Variants in CADM2 observed in about 807,000 individuals in gnomAD.
The protein encoded by CADM2 is cell adhesion molecule 2.
In CADM2, 12 loss-of-function variants were observed where a neutral mutation model predicts 49.8. The ratio of observed to expected loss-of-function variants is 0.24; its 90% CI spans 0.15 to 0.39. The LOEUF is 0.39. Among genes scored for constraint, CADM2 ranks in the 10% least tolerant of loss-of-function variants. The probability of loss-of-function intolerance (pLI) is 1.00; values close to 1 mark genes in which losing one functional copy is unlikely to be tolerated. For synonymous variants in CADM2, 214 were observed against 175.4 expected, an observed-to-expected ratio of 1.22 and a Z score of -1.74; for missense variants, 378 against 492.3, an observed-to-expected ratio of 0.77 and a Z score of 2.20.
chr3:85,576,497 A>T (rs1195798721), intron 1 of CADM2, among the ~76,000 whole-genome samples: 1 of 152,240 alleles, frequency 6.6e-6, no homozygotes, highest in Admixed American at 6.5e-5. Context: ...CACCTTAAAA[A>T]TGTTGAGATT....
At chr3:85,278,021 T>C (rs993057038) in intron 1 of CADM2, among the ~76,000 whole-genome samples, 10 of 151,176 alleles carry the variant, frequency 6.6e-5, no homozygotes, top group Non-Finnish European at 1.2e-4. Flanking sequence ...CTCCCCTTTT[T>C]TTTTCTATTT....
intron 5 of CADM2, among the ~76,000 whole-genome samples, chr3:85,892,867 C>CTA (rs1323257879): frequency 4.6e-5 from 7 of 152,142 alleles, no homozygotes; most frequent in Non-Finnish European, 8.8e-5. Context: ...AAAATTTAGA[C>CTA]TTGCCTACAG....
At chr3:85,586,581 T>G (rs1230756808) in intron 1 of CADM2, among the ~76,000 whole-genome samples, 1 of 152,130 alleles carries the variant, frequency 6.6e-6, no homozygotes, top group East Asian at 1.9e-4. Context: ...AGAATTACAA[T>G]TTATCTTGGG....
chr3:85,208,663 AG>A (rs1310110684), intron 1 of CADM2, among the ~76,000 whole-genome samples: 1 of 152,198 alleles, frequency 6.6e-6, no homozygotes, highest in East Asian at 1.9e-4. Context: ...GATACATTTA[AG>A]TGGAGACAGG....
chr3:85,810,066 A>C (rs116395006), intron 3 of CADM2, among the ~76,000 whole-genome samples: 1,639 of 152,192 alleles, frequency 0.011, 69 homozygotes, highest in Admixed American at 0.066. Flanking sequence ...AAAATGATGC[A>C]CACCCAGAAA....
chr3:85,248,436 A>G (rs1163043727), intron 1 of CADM2, among the ~76,000 whole-genome samples: 1 of 152,044 alleles, frequency 6.6e-6, no homozygotes, highest in Non-Finnish European at 1.5e-5. Flanking sequence ...CACCAGGCCC[A>G]GCTAATTTGT....
rs116033939 is a variant in CADM2 at position 85,457,898 on chromosome 3, C to T, written c.62-268624C>T. Among the ~76,000 whole-genome samples the T allele has an allele frequency of 9.1e-3, 1,380 of 152,188 alleles. 19 individuals carry two copies. Among genetic ancestry groups the T allele is most frequent in the African/African-American group, 0.03 (1,251 of 41,518 alleles). Reference sequence around the variant, plus strand: ...CACAATTCTTTTTGGCATTTGAAATCCCCCAAATATAATCTCCTAGTACTT... The same window carrying T: ...CACAATTCTTTTTGGCATTTGAAATTCCCCAAATATAATCTCCTAGTACTT... On this transcript the variant is annotated intron_variant, in intron 1 of 9. Transcript: ENST00000383699.
chr3:85,200,489 G>A (rs965786985), intron 1 of CADM2, among the ~76,000 whole-genome samples: 2 of 152,024 alleles, frequency 1.3e-5, no homozygotes, highest in Non-Finnish European at 2.9e-5. Context: ...CCTTCACTTG[G>A]ACTGAGTATA....
chr3:85,418,128 T>A (rs2035997530), intron 1 of CADM2, among the ~76,000 whole-genome samples: 1 of 152,146 alleles, frequency 6.6e-6, no homozygotes, highest in Admixed American at 6.5e-5. Context: ...TGAACTGTCT[T>A]TACCAGTATA....
chr3:84,971,576 A>G (rs1028353207), intron 1 of CADM2, among the ~76,000 whole-genome samples: 1 of 145,378 alleles, frequency 6.9e-6, no homozygotes, highest in Non-Finnish European at 1.5e-5. Context: ...ATAGTATTAT[A>G]GAGGTCTGGT....
intron 1 of CADM2, among the ~76,000 whole-genome samples, chr3:84,970,808 C>A (rs141357717): frequency 2.5e-4 from 38 of 152,078 alleles, no homozygotes; most frequent in African/African-American, 9.2e-4. Flanking sequence ...GCAGAATAAA[C>A]CTTCTCTAAC....
chr3:85,038,991 T>C (rs897167766), intron 1 of CADM2, among the ~76,000 whole-genome samples: 12 of 152,150 alleles, frequency 7.9e-5, no homozygotes, highest in Admixed American at 7.9e-4. Context: ...CTTCATAATT[T>C]TATATACTTA....
In CADM2 at chr3:85,332,086, C is replaced by G. The variant is rs140734630; in HGVS notation, c.61+372418C>G. On this transcript the variant is annotated intron_variant, in intron 1 of 9. Coordinates refer to ENST00000383699, the MANE Select transcript of CADM2 (RefSeq NM_001167675.2). ...GGGATCAATTGAAAATAAATATCCT[C>G]ACATCAGTCACAATATAAACCTATA... 6.6e-5 allele frequency among the ~76,000 whole-genome samples: 10 copies of G among 152,158 alleles called. 1 individual carries two copies. The highest frequency in any genetic ancestry group is 2.4e-4 in the African/African-American group (10 of 41,556).
intron 1 of CADM2, among the ~76,000 whole-genome samples, chr3:85,641,930 C>A (rs1413979575): frequency 6.6e-6 from 1 of 151,028 alleles, no homozygotes; most frequent in Admixed American, 6.6e-5. Context: ...GACTCCGTCT[C>A]AAAAAAAATT....
chr3:84,983,673 T>A (rs980922692), intron 1 of CADM2, among the ~76,000 whole-genome samples: 4 of 152,138 alleles, frequency 2.6e-5, no homozygotes, highest in African/African-American at 7.2e-5. Flanking sequence ...ATATTATTGA[T>A]GACTAGACAC....
chr3:85,324,755 T>C (rs1196780182), intron 1 of CADM2, among the ~76,000 whole-genome samples: 1 of 152,240 alleles, frequency 6.6e-6, no homozygotes, highest in African/African-American at 2.4e-5. Flanking sequence ...CATTCCAATT[T>C]ACACTTGCAG....
intron 2 of CADM2, among the ~76,000 whole-genome samples, chr3:85,732,125 G>T (rs546234334): frequency 2.0e-5 from 3 of 148,440 alleles, no homozygotes; most frequent in East Asian, 3.9e-4. Flanking sequence ...ATTGCTGAGC[G>T]TGGCACACGC....
intron 1 of CADM2, among the ~76,000 whole-genome samples, chr3:85,669,670 G>T (rs1453220060): frequency 6.6e-6 from 1 of 152,062 alleles, no homozygotes; most frequent in African/African-American, 2.4e-5. Context: ...AGATAAAATA[G>T]TATAAGAGGA....
chr3:86,012,665 G>A (rs1278544587), intron 8 of CADM2: 31 of 1,395,842 alleles, frequency 2.2e-5, no homozygotes, highest in Non-Finnish European at 3.1e-5. Flanking sequence ...GGAGTGGGTG[G>A]AGAATTGTAG....
Sources: allele counts gnomAD v4.1 joint callset (sites outside exome capture counted in the v4.1 genomes callset), GRCh38; gene constraint gnomAD v4.1.1; transcripts MANE v1.5; gene names NCBI Gene and HGNC (gene_info 2026-07-23, HGNC 2026-07-21).